The following CARD14 variants were observed in gnomAD, a reference collection of about 807,000 sequenced individuals.
CARD14 encodes the protein caspase recruitment domain family member 14.
A neutral mutation model predicts 111.5 loss-of-function variants in CARD14; 107 were observed. That is an observed-to-expected ratio of 0.96 (90% CI 0.82 to 1.13). The LOEUF is 1.13. Ranked by LOEUF, CARD14 falls within the 50% of genes most tolerant of loss-of-function variation. The pLI, the probability that CARD14 is intolerant of heterozygous loss-of-function variation, is 0.00. For synonymous variants in CARD14, 617 were observed against 579.6 expected (o/e 1.06, Z -0.93); for missense variants, 1,322 against 1,362.3 (o/e 0.97, Z 0.47).
At chr17:80,177,329 C>A (rs539497253) in intron 2 of CARD14, among the ~76,000 whole-genome samples, 1 of 152,082 alleles carries the variant, frequency 6.6e-6, no homozygotes, top group Non-Finnish European at 1.5e-5. Flanking sequence ...CAGGCTCAAG[C>A]GATCCTCCCA....
Position 80,207,095 on chromosome 17 carries a change from C to T in CARD14, c.2807+10C>T, listed in dbSNP as rs368700533. On this transcript the variant is annotated intron_variant, in intron 23 of 23. Coordinates refer to ENST00000648509, the MANE Select transcript of CARD14 (RefSeq NM_001366385.1). ...TGGCAAAGAAGCTCAAGTAGGTGCACGCTGGGGGCTGGGCAGGGGCTTCGA... is the reference window on the plus strand; with the variant it reads ...TGGCAAAGAAGCTCAAGTAGGTGCATGCTGGGGGCTGGGCAGGGGCTTCGA... The T allele has an allele frequency of 4.0e-4, 636 of 1,600,466 alleles. 3 individuals carry two copies. Among genetic ancestry groups the T allele is most frequent in the South Asian group, 3.8e-3 (345 of 90,770 alleles).
intron 18 of CARD14, chr17:80,202,752 C>A: frequency 2.4e-6 from 1 of 418,574 alleles, no homozygotes; most frequent in Non-Finnish European, 3.8e-6. Context: ...AGCAGCATCC[C>A]TGGCCGCCCT....
Position 80,184,253 on chromosome 17 carries a change from T to A in CARD14, c.675+15T>A. 2.0e-6 allele frequency: 3 copies of A among 1,497,352 alleles called. No homozygotes were observed. Among genetic ancestry groups the A allele is most frequent in the Non-Finnish European group, 2.7e-6 (3 of 1,118,030 alleles). 92.8% of individuals were successfully genotyped at this position (1,497,352 alleles called of 1,614,324 possible). A position where few individuals can be genotyped will look rare whatever the true frequency, so the allele number is the denominator to read the frequency against. On this transcript the variant is annotated intron_variant, in intron 7 of 23. Coordinates refer to ENST00000648509, the MANE Select transcript of CARD14 (RefSeq NM_001366385.1). Reference sequence around the variant, plus strand: ...TGCAGGAGGAGGTAGGGGGACACCCTGCACCCCGGCGCGACCCTGCTGTCG... The same window carrying A: ...TGCAGGAGGAGGTAGGGGGACACCCAGCACCCCGGCGCGACCCTGCTGTCG...
intron 7 of CARD14, among the ~76,000 whole-genome samples, chr17:80,186,765 G>A (rs1367114741): frequency 6.6e-6 from 1 of 152,126 alleles, no homozygotes; most frequent in Non-Finnish European, 1.5e-5. Flanking sequence ...GGCCAGGCTG[G>A]TCTCAAACTC....
At chr17:80,197,923 G>A (rs1224597002) in intron 14 of CARD14, among the ~76,000 whole-genome samples, 176 bp from the exon 15 acceptor site, 3 of 152,204 alleles carry the variant, frequency 2.0e-5, no homozygotes, top group Admixed American at 6.5e-5. Flanking sequence ...GATGGAACAG[G>A]CAGTGGGGCC....
At chr17:80,199,805 G>A (rs900258316) in intron 16 of CARD14, among the ~76,000 whole-genome samples, 2 of 151,972 alleles carry the variant, frequency 1.3e-5, no homozygotes, top group African/African-American at 4.8e-5. Context: ...GAACCTGGGA[G>A]GCGGAGGTTG....
chr17:80,180,768 G>A (rs75103933), intron 4 of CARD14, among the ~76,000 whole-genome samples: 2 of 98,344 alleles, frequency 2.0e-5, no homozygotes, highest in African/African-American at 3.9e-5. Flanking sequence ...GTTTGTTTGT[G>A]TGTTTGTTTA....
rs373552852 is a variant in CARD14 at position 80,195,157 on chromosome 17, C to T, written c.1357-34C>T. The T allele has an allele frequency of 7.0e-5, 110 of 1,571,332 alleles. No homozygotes were observed. In the East Asian group the frequency reaches 2.3e-3, roughly 33 times the overall value. On this transcript the variant is annotated intron_variant, in intron 12 of 23. Coordinates refer to ENST00000648509, the MANE Select transcript of CARD14 (RefSeq NM_001366385.1). This position sits in a 1 kb window ranked among gnomAD's most constrained non-coding sequence, Gnocchi z 4.7. ...GGAGGAGTCTCAGGGTGTCCTCGTG[C>T]GTGCCCCACTGACTTCTGCCCTCCC...
intron 2 of CARD14, among the ~76,000 whole-genome samples, chr17:80,176,852 G>A (rs546912473): frequency 2.6e-5 from 4 of 152,354 alleles, no homozygotes; most frequent in African/African-American, 9.6e-5. Flanking sequence ...TCTACTGGGT[G>A]GAGGCCCAGG....
chr17:80,186,752 G>T (rs2040357319), intron 7 of CARD14, among the ~76,000 whole-genome samples: 1 of 152,160 alleles, frequency 6.6e-6, no homozygotes, highest in Non-Finnish European at 1.5e-5. Flanking sequence ...GTTTTGCCAT[G>T]TTGGCCAGGC....
intron 4 of CARD14, among the ~76,000 whole-genome samples, chr17:80,179,941 C>T (rs963733875): frequency 6.6e-6 from 1 of 152,132 alleles, no homozygotes; most frequent in Non-Finnish European, 1.5e-5. Flanking sequence ...TAAAAAGAAA[C>T]CTGAAGTGCA....
At chr17:80,206,268 C>G (rs2041297720) in intron 22 of CARD14, among the ~76,000 whole-genome samples, 1 of 132,700 alleles carries the variant, frequency 7.5e-6, no homozygotes, top group African/African-American at 2.6e-5. Flanking sequence ...AGTTCAAGAC[C>G]AGCCTGAGCA....
At chr17:80,193,880 A>G (rs2040615667) in intron 12 of CARD14, among the ~76,000 whole-genome samples, 1 of 152,090 alleles carries the variant, frequency 6.6e-6, no homozygotes, top group Non-Finnish European at 1.5e-5. Flanking sequence ...CATTCCCCAC[A>G]GGACAGAGGC....
intron 2 of CARD14, among the ~76,000 whole-genome samples, chr17:80,174,573 C>G (rs2039979520): frequency 1.3e-5 from 2 of 152,080 alleles, no homozygotes. Flanking sequence ...CTTCCCCTAC[C>G]CCCTACCCCG....
Position 80,203,972 on chromosome 17 carries a change from G to T in CARD14, c.2283+87G>T. The T allele has an allele frequency of 8.9e-7, 1 of 1,126,696 alleles. No homozygotes were observed. The highest frequency in any genetic ancestry group is 2.3e-5 in the Admixed American group (1 of 43,432). The allele number at this position is 1,126,696 out of a possible 1,614,324, so 69.8% of individuals were successfully genotyped here. On this transcript the variant is annotated intron_variant, in intron 19 of 23. Transcript: ENST00000648509. This position sits in a 1 kb window ranked among gnomAD's most constrained non-coding sequence, Gnocchi z 4.6. ...GGCAGGGTGGCAGGAGGCACTGTGT[G>T]GAGAGTGGGCTGCTGATTGGAGGGT...
chr17:80,179,587 C>G lies in CARD14; in HGVS notation c.-21+286C>G, dbSNP rs116537791. ...TTTAGGCTGGACTGTAATCCCAGCA[C>G]TTTCAGAGGCTGAGGTAGACAGATC... On this transcript the variant is annotated intron_variant, in intron 4 of 23. Coordinates refer to ENST00000648509, the MANE Select transcript of CARD14 (RefSeq NM_001366385.1). Among the ~76,000 whole-genome samples the G allele has an allele frequency of 8.2e-3, 1,250 of 152,298 alleles. 24 individuals carry two copies. Among genetic ancestry groups the G allele is most frequent in the African/African-American group, 0.029 (1,204 of 41,554 alleles).
At position 80,201,425 on chromosome 17, in the gene CARD14, T is replaced by C. The variant is rs1567895977; in HGVS notation, c.1852-319T>C. On this transcript the variant is annotated intron_variant, in intron 16 of 23. Coordinates refer to ENST00000648509, the MANE Select transcript of CARD14 (RefSeq NM_001366385.1). The surrounding 1 kb of genome is among the most constrained non-coding windows in gnomAD (Gnocchi z 5.0). ...CTCTATCTAGAATGCTCTTGAATGT[T>C]CTAGAACCGAGGTTCTTTCTTTTCT... is the stretch of plus-strand genomic sequence containing the variant. 5.8e-6 allele frequency: 2 copies of C among 344,440 alleles called. No homozygotes were observed. The highest frequency in any genetic ancestry group is 1.1e-5 in the Non-Finnish European group (2 of 183,512). 21.3% of individuals were successfully genotyped at this position (344,440 alleles called of 1,614,324 possible). A position where few individuals can be genotyped will look rare whatever the true frequency, so the allele number is the denominator to read the frequency against.
At chr17:80,190,561 C>T (rs574818163) in intron 9 of CARD14, among the ~76,000 whole-genome samples, 3 of 150,358 alleles carry the variant, frequency 2.0e-5, no homozygotes, top group Admixed American at 6.7e-5. Context: ...TGCAGCGAGC[C>T]GAGATTGCGC....
intron 12 of CARD14, among the ~76,000 whole-genome samples, chr17:80,193,849 C>T (rs536917884): frequency 1.3e-5 from 2 of 152,278 alleles, no homozygotes; most frequent in South Asian, 4.1e-4. Context: ...CTCGCATCTG[C>T]CTTAACGCCC....
Sources: allele counts gnomAD v4.1 joint callset (sites outside exome capture counted in the v4.1 genomes callset), GRCh38; gene constraint gnomAD v4.1.1; non-coding constraint Gnocchi (gnomAD v3.1); transcripts MANE v1.5; gene names NCBI Gene and HGNC (gene_info 2026-07-23, HGNC 2026-07-21).